TFEC: variants seen among roughly 807,000 people sequenced by gnomAD.
TFEC encodes the protein transcription factor EC, also known as class E basic helix-loop-helix protein 34.
Under a neutral mutation model 41.6 loss-of-function variants are expected in TFEC, and 31 were observed. The observed-to-expected ratio is 0.74, with a 90% CI of 0.56 to 1.01. TFEC has a LOEUF of 1.01. TFEC is among the 50% of genes least tolerant of loss of function. The pLI is 0.00. For synonymous variants in TFEC, 143 were observed against 140.6 expected (o/e 1.02, Z -0.12); for missense variants, 402 against 404.1 (o/e 0.99, Z 0.04).
intron 1 of TFEC, among the ~76,000 whole-genome samples, chr7:116,139,944 T>C (rs1798507783): frequency 6.6e-6 from 1 of 152,192 alleles, no homozygotes; most frequent in Non-Finnish European, 1.5e-5. Context: ...GAGGCTGGAT[T>C]GCAGATGTCC....
chr7:116,139,849 T>C (rs1459167152), intron 1 of TFEC, among the ~76,000 whole-genome samples: 1 of 151,952 alleles, frequency 6.6e-6, no homozygotes, highest in Non-Finnish European at 1.5e-5. Context: ...CAAATGAGCA[T>C]AGGATAAACA....
intron 6 of TFEC, among the ~76,000 whole-genome samples, chr7:115,945,817 C>T (rs12154579): frequency 0.86 from 130,211 of 151,710 alleles, 56,106 homozygotes; most frequent in Non-Finnish European, 0.89. Context: ...AGACAAACTA[C>T]GGCCCATAGC....
At chr7:116,153,228 G>A (rs1165662792) in intron 1 of TFEC, among the ~76,000 whole-genome samples, 1 of 151,190 alleles carries the variant, frequency 6.6e-6, no homozygotes, top group Admixed American at 6.6e-5. Flanking sequence ...CAGTGGTGGC[G>A]ATGTTGTGGG....
chr7:116,100,025 A>C (rs17138275), intron 3 of TFEC, among the ~76,000 whole-genome samples: 3,501 of 152,266 alleles, frequency 0.023, 84 homozygotes, highest in East Asian at 0.11. Context: ...GGGAAATTGA[A>C]TTTATACAGA....
chr7:116,151,503 A>C (rs1311209413), intron 1 of TFEC, among the ~76,000 whole-genome samples: 1 of 152,110 alleles, frequency 6.6e-6, no homozygotes. Flanking sequence ...TCGGCCTCCC[A>C]AAGTGTTGAA....
chr7:116,133,214 A>G (rs917350891), intron 1 of TFEC, among the ~76,000 whole-genome samples: 78 of 152,126 alleles, frequency 5.1e-4, no homozygotes, highest in African/African-American at 1.9e-3. Context: ...CAACAAAACT[A>G]CAAACGTGTT....
At chr7:116,016,929 G>A (rs2130838093) in intron 1 of TFEC, among the ~76,000 whole-genome samples, 1 of 151,934 alleles carries the variant, frequency 6.6e-6, no homozygotes, top group East Asian at 1.9e-4. Flanking sequence ...CCTTAGTCTT[G>A]TCCAATTCAG....
intron 3 of TFEC, among the ~76,000 whole-genome samples, chr7:116,044,647 A>G (rs1295693951): frequency 6.6e-6 from 1 of 152,224 alleles, no homozygotes; most frequent in Non-Finnish European, 1.5e-5. Flanking sequence ...TGGTTAGGTA[A>G]TAAAGTGAAT....
chr7:116,125,989 A>G (rs1024130730), intron 1 of TFEC, among the ~76,000 whole-genome samples: 1 of 152,196 alleles, frequency 6.6e-6, no homozygotes, highest in African/African-American at 2.4e-5. Flanking sequence ...ACAGAGGCCC[A>G]GTAGTGAAAA....
chr7:116,024,537 C>A (rs1795516201), intron 1 of TFEC, among the ~76,000 whole-genome samples: 1 of 152,078 alleles, frequency 6.6e-6, no homozygotes, highest in Non-Finnish European at 1.5e-5. Flanking sequence ...AGAGTCTTGT[C>A]AGACAAAAAT....
At chr7:116,050,556 T>A (rs1191889606) in intron 3 of TFEC, among the ~76,000 whole-genome samples, 2 of 152,248 alleles carry the variant, frequency 1.3e-5, no homozygotes, top group Non-Finnish European at 2.9e-5. Flanking sequence ...GTGCTCATCA[T>A]CACTGGCCAT....
intron 1 of TFEC, among the ~76,000 whole-genome samples, chr7:116,138,833 T>C (rs184667498): frequency 1.3e-5 from 2 of 152,150 alleles, no homozygotes; most frequent in Non-Finnish European, 2.9e-5. Flanking sequence ...TCTAATAAAT[T>C]AAAGAAAAAA....
intron 3 of TFEC, among the ~76,000 whole-genome samples, chr7:116,082,025 G>A (rs898036598): frequency 6.6e-6 from 1 of 151,830 alleles, no homozygotes; most frequent in Non-Finnish European, 1.5e-5. Context: ...CTTTAGTATG[G>A]TACTGAGCAC....
intron 1 of TFEC, among the ~76,000 whole-genome samples, chr7:116,005,156 A>T (rs62475162): frequency 0.14 from 20,836 of 152,232 alleles, 1,922 homozygotes; most frequent in Non-Finnish European, 0.21. Flanking sequence ...AGCAGCATGA[A>T]AATGGACTAA....
At chr7:115,955,741 A>G (rs1226284691) in intron 4 of TFEC, among the ~76,000 whole-genome samples, 1 of 152,102 alleles carries the variant, frequency 6.6e-6, no homozygotes, top group Admixed American at 6.6e-5. Flanking sequence ...CAACAAAAAT[A>G]ATACAATATT....
In TFEC at chr7:116,004,611, C is replaced by T. The variant is rs562648002; in HGVS notation, c.-72-20098G>A. Among the ~76,000 whole-genome samples, 4 of 152,206 alleles carry T rather than the reference C, an allele frequency of 2.6e-5. No individual in the cohort carries two copies. In the South Asian group the frequency reaches 8.3e-4, roughly 32 times the overall value. On this transcript the variant is annotated intron_variant, in intron 1 of 7. Coordinates refer to ENST00000265440, the MANE Select transcript of TFEC (RefSeq NM_012252.4). Reference sequence around the variant, plus strand: ...CAATTTTGCTATGAATCTAAAACTTCCCTAAAAAATACAGTCCAATATTAA... The same window carrying T: ...CAATTTTGCTATGAATCTAAAACTTTCCTAAAAAATACAGTCCAATATTAA...
At chr7:116,069,232 TAAAC>T (rs1274862315) in intron 3 of TFEC, among the ~76,000 whole-genome samples, 1 of 151,424 alleles carries the variant, frequency 6.6e-6, no homozygotes, top group African/African-American at 2.4e-5. Flanking sequence ...AGAGGAGACA[TAAAC>T]AATATGATGT....
At chr7:116,121,126 C>T (rs1328243249) in intron 1 of TFEC, among the ~76,000 whole-genome samples, 1 of 151,510 alleles carries the variant, frequency 6.6e-6, no homozygotes, top group African/African-American at 2.4e-5. Context: ...TCATAAGAGC[C>T]AAAAAAGTAA....
At chr7:116,101,921 T>C (rs1015646698) in intron 3 of TFEC, among the ~76,000 whole-genome samples, 6 of 152,212 alleles carry the variant, frequency 3.9e-5, no homozygotes, top group Non-Finnish European at 8.8e-5. Context: ...GATTCAAAGA[T>C]GACTCTTACA....
Sources: allele counts gnomAD v4.1 joint callset (sites outside exome capture counted in the v4.1 genomes callset), GRCh38; gene constraint gnomAD v4.1.1; transcripts MANE v1.5; gene names NCBI Gene and HGNC (gene_info 2026-07-23, HGNC 2026-07-21).